NSMCE1: variants seen among roughly 807,000 people sequenced by gnomAD.
NSMCE1 encodes the protein NSE1 component of SMC5/6 complex, also known as non-structural maintenance of chromosomes element 1 homolog.
Under a neutral mutation model 29.6 loss-of-function variants are expected in NSMCE1, and 18 were observed. The ratio of observed to expected loss-of-function variants is 0.61; its 90% CI spans 0.42 to 0.90. NSMCE1 has a LOEUF of 0.90. Among genes scored for constraint, NSMCE1 ranks in the 40% least tolerant of loss-of-function variants. The pLI is 0.00. For missense variants in NSMCE1, 314 were observed against 343.6 expected, an observed-to-expected ratio of 0.91 and a Z score of 0.68; for synonymous variants, 124 against 133.4, an observed-to-expected ratio of 0.93 and a Z score of 0.49.
At chr16:27,231,458 G>A (rs1414778118) in intron 5 of NSMCE1, among the ~76,000 whole-genome samples, 1 of 152,158 alleles carries the variant, frequency 6.6e-6, no homozygotes, top group Non-Finnish European at 1.5e-5. Flanking sequence ...TCAACATGGA[G>A]GAACCCCGTC....
Position 27,245,744 on chromosome 16 carries a change from C to T in NSMCE1, c.137-10445G>A, listed in dbSNP as rs981643328. Among the ~76,000 whole-genome samples the T allele has an allele frequency of 1.3e-5, 2 of 152,136 alleles. 1 individual carries two copies. Among genetic ancestry groups the T allele is most frequent in the Middle Eastern group, 6.3e-3 (2 of 316 alleles). Reference sequence around the variant, plus strand: ...GTTACTTTTCATACTCATTTTTTGCCACTTTTCAGTTATGATCCCAGACTT... The same window carrying T: ...GTTACTTTTCATACTCATTTTTTGCTACTTTTCAGTTATGATCCCAGACTT... On this transcript the variant is annotated intron_variant, in intron 2 of 7. Transcript: ENST00000361439.
intron 2 of NSMCE1, among the ~76,000 whole-genome samples, chr16:27,248,109 G>C (rs1042839840): frequency 2.0e-5 from 3 of 152,064 alleles, no homozygotes; most frequent in South Asian, 2.1e-4. Context: ...ACTGCAAATG[G>C]ACAACTAGGT....
At position 27,233,067 on chromosome 16, in the gene NSMCE1, C is replaced by G. The variant is rs376000854; in HGVS notation, c.417G>C (p.Lys139Asn). The G allele has an allele frequency of 1.9e-6, 3 of 1,613,962 alleles. No individual in the cohort carries two copies. The African/African-American group carries it at 4.0e-5, about 22-fold the overall frequency. Reference sequence around the variant, plus strand: ...GCTCCGCTTCCTTCTTCCTCATCTTCTTGCCTTTAAGTTGATCAACCAGGT... The same window carrying G: ...GCTCCGCTTCCTTCTTCCTCATCTTGTTGCCTTTAAGTTGATCAACCAGGT... Reference protein sequence around the residue: ...ILNLVDQLKGKKMRKKEAEQV... With the variant: ...ILNLVDQLKGNKMRKKEAEQV... The change falls in exon 5 of 8, where the codon AAG (lysine) becomes AAC (asparagine). Residue 139 changes from lysine to asparagine, a missense_variant. Lys to Asn is a moderately conservative substitution (Grantham distance 94). Transcript: ENST00000361439.
chr16:27,230,122 C>T (rs939523843), intron 5 of NSMCE1, among the ~76,000 whole-genome samples: 3 of 151,272 alleles, frequency 2.0e-5, no homozygotes, highest in African/African-American at 7.3e-5. Context: ...CGCCCAGCTC[C>T]CATGAGCCGC....
intron 2 of NSMCE1, among the ~76,000 whole-genome samples, chr16:27,247,383 G>T (rs12923010): frequency 0.089 from 13,602 of 152,174 alleles, 1,654 homozygotes; most frequent in African/African-American, 0.28. Context: ...ATGACTGTAA[G>T]TTTCCTGAGG....
intron 2 of NSMCE1, among the ~76,000 whole-genome samples, chr16:27,239,831 T>C (rs1305855185): frequency 1.3e-5 from 2 of 152,210 alleles, no homozygotes; most frequent in African/African-American, 2.4e-5. Flanking sequence ...CACAGTGCTA[T>C]CTGTGTTCTC....
intron 2 of NSMCE1, among the ~76,000 whole-genome samples, chr16:27,238,212 G>A (rs548046846): frequency 3.3e-5 from 5 of 152,154 alleles, no homozygotes; most frequent in Non-Finnish European, 7.4e-5. Context: ...GGGGCCCTGC[G>A]TGAGCCTCTC....
intron 3 of NSMCE1, among the ~76,000 whole-genome samples, chr16:27,234,613 C>A (rs540744943): frequency 6.6e-6 from 1 of 152,336 alleles, no homozygotes; most frequent in Non-Finnish European, 1.5e-5. Context: ...CCATGTCTGA[C>A]CAGCATTTCC....
At chr16:27,242,871 C>A (rs2083909531) in intron 2 of NSMCE1, among the ~76,000 whole-genome samples, 1 of 152,230 alleles carries the variant, frequency 6.6e-6, no homozygotes, top group Admixed American at 6.5e-5. Flanking sequence ...AGAGCTGATA[C>A]AGGGGCTCTG....
intron 1 of NSMCE1, among the ~76,000 whole-genome samples, chr16:27,260,893 G>A (rs1482470117): frequency 4.0e-5 from 6 of 150,424 alleles, no homozygotes; most frequent in African/African-American, 4.9e-5. Flanking sequence ...GGGGCTGGTC[G>A]TGGTGGCTCA....
At chr16:27,249,833 T>C (rs2084003585) in intron 2 of NSMCE1, among the ~76,000 whole-genome samples, 1 of 152,230 alleles carries the variant, frequency 6.6e-6, no homozygotes, top group Admixed American at 6.5e-5. Context: ...TTTCTTTGAA[T>C]CTATAGATCA....
intron 2 of NSMCE1, among the ~76,000 whole-genome samples, chr16:27,252,849 G>T (rs1009286436): frequency 2.0e-5 from 3 of 152,160 alleles, no homozygotes; most frequent in African/African-American, 4.8e-5. Context: ...AACCTGGGAG[G>T]CAGAGGTTGC....
intron 2 of NSMCE1, among the ~76,000 whole-genome samples, chr16:27,237,896 G>A (rs2083843487): frequency 1.3e-5 from 2 of 151,962 alleles, no homozygotes; most frequent in South Asian, 4.1e-4. Context: ...TACTGTACTC[G>A]CTCACTGCAC....
chr16:27,239,380 T>C (rs1231478600), intron 2 of NSMCE1, among the ~76,000 whole-genome samples: 1 of 152,198 alleles, frequency 6.6e-6, no homozygotes, highest in Non-Finnish European at 1.5e-5. Flanking sequence ...TCTGTAGGGA[T>C]ACACTGGGCT....
At position 27,233,986 on chromosome 16, in the gene NSMCE1, G is replaced by T. The variant is rs1596674567; in HGVS notation, c.336+202C>A. ...ACCTGGCCCAGCACTTCCTTCTCAG[G>T]CAGCCATGGGGACCCCCTGGCAGCT... is the stretch of plus-strand genomic sequence containing the variant. On this transcript the variant is annotated intron_variant, in intron 4 of 7. Transcript: ENST00000361439. 5 of 547,326 alleles carry T rather than the reference G, an allele frequency of 9.1e-6. No homozygotes were observed. The East Asian group carries it at 1.3e-4, about 14-fold the overall frequency. The allele number at this position is 547,326 out of a possible 1,614,324, so 33.9% of individuals were successfully genotyped here.
At chr16:27,231,530 G>C (rs139155637) in intron 5 of NSMCE1, among the ~76,000 whole-genome samples, 2 of 152,104 alleles carry the variant, frequency 1.3e-5, no homozygotes, top group Non-Finnish European at 2.9e-5. Flanking sequence ...CCAGCTACTT[G>C]GGAGGCTGAG....
At chr16:27,246,075 C>T (rs2083954421) in intron 2 of NSMCE1, among the ~76,000 whole-genome samples, 1 of 152,188 alleles carries the variant, frequency 6.6e-6, no homozygotes, top group African/African-American at 2.4e-5. Flanking sequence ...GCATGTCAAT[C>T]AGCACGCTGG....
intron 1 of NSMCE1, 116 bp from the exon 2 acceptor site, chr16:27,257,697 C>G (rs760547859): frequency 8.8e-6 from 8 of 904,262 alleles, no homozygotes; most frequent in Non-Finnish European, 1.3e-5. Flanking sequence ...AAAAGTCATT[C>G]TTCATGCTGT....
chr16:27,225,917 C>A lies in NSMCE1; in HGVS notation c.601-71G>T, dbSNP rs1376169987. The A allele has an allele frequency of 8.2e-6, 13 of 1,588,950 alleles. No homozygotes were observed. In the Admixed American group the frequency reaches 2.2e-4, roughly 27 times the overall value. ...ATGTTCTGCAAACCTCCGGGGAAGCCACAAGGGAAATGGGCAGCAGGTGGC... is the reference window on the plus strand; with the variant it reads ...ATGTTCTGCAAACCTCCGGGGAAGCAACAAGGGAAATGGGCAGCAGGTGGC... On this transcript the variant is annotated intron_variant, in intron 6 of 7. Transcript: ENST00000361439.
Sources: allele counts gnomAD v4.1 joint callset (sites outside exome capture counted in the v4.1 genomes callset), GRCh38; gene constraint gnomAD v4.1.1; transcripts MANE v1.5; gene names NCBI Gene and HGNC (gene_info 2026-07-23, HGNC 2026-07-21).